The following TENM3 variants were observed in gnomAD, a reference collection of about 807,000 sequenced individuals.
TENM3 encodes the protein teneurin-3.
Under a neutral mutation model 255.1 loss-of-function variants are expected in TENM3, and 63 were observed. The ratio of observed to expected loss-of-function variants is 0.25; its 90% confidence interval spans 0.20 to 0.30. The LOEUF is 0.30. TENM3 is among the 10% of genes least tolerant of loss of function. The pLI is 1.00. For synonymous variants in TENM3, 1,306 were observed against 1,322.3 expected (o/e 0.99, Z 0.27); for missense variants, 2,929 against 3,461.1 (o/e 0.85, Z 3.86).
chr4:182,456,522 T>C (rs1773887326), intron 3 of TENM3, among the ~76,000 whole-genome samples: 2 of 152,212 alleles, frequency 1.3e-5, no homozygotes, highest in Non-Finnish European at 2.9e-5. Context: ...AAGAAGTTCA[T>C]TGAAGCCTAA....
At position 182,518,140 on chromosome 4, in the gene TENM3, T is replaced by C. The variant is rs561576802; in HGVS notation, c.512-82784T>C. On this transcript the variant is annotated intron_variant, in intron 3 of 27. Transcript: ENST00000511685. ...TGTGTTCATGGTGCCTGGGACCTCATAGTAATAAAAGTCTTTGGGAATCTT... is the reference window on the plus strand; with the variant it reads ...TGTGTTCATGGTGCCTGGGACCTCACAGTAATAAAAGTCTTTGGGAATCTT... 1.3e-4 allele frequency among the ~76,000 whole-genome samples: 20 copies of C among 152,234 alleles called. 1 individual carries two copies. The South Asian group carries it at 3.9e-3, about 30-fold the overall frequency.
intron 12 of TENM3, chr4:182,707,821 G>T (rs189560867): frequency 6.4e-4 from 97 of 152,212 alleles, no homozygotes; most frequent in African/African-American, 2.2e-3. Context: ...TTAAGGCCAA[G>T]AATTAGCCTT....
chr4:181,629,794 T>C, the TENM3 span, among the ~76,000 whole-genome samples: 2 of 152,078 alleles, frequency 1.3e-5, no homozygotes, highest in African/African-American at 4.8e-5. Flanking sequence ...GGTCTAAAAT[T>C]CTCTTTTTTT....
chr4:181,679,440 G>A, the TENM3 span, among the ~76,000 whole-genome samples: 117,621 of 151,514 alleles, frequency 0.78, 45,994 homozygotes, highest in Admixed American at 0.87. Context: ...TTAACATATC[G>A]GTTTAAAATA....
chr4:182,560,376 A>C (rs1396102327), intron 3 of TENM3, among the ~76,000 whole-genome samples: 1 of 152,166 alleles, frequency 6.6e-6, no homozygotes, highest in African/African-American at 2.4e-5. Context: ...TCCATTCCCA[A>C]GGTGATTCAG....
At chr4:182,217,767 T>C (rs1755591926) in intron 1 of TENM3, among the ~76,000 whole-genome samples, 1 of 152,212 alleles carries the variant, frequency 6.6e-6, no homozygotes, top group Admixed American at 6.5e-5. Flanking sequence ...ATTGCTATTT[T>C]GTGATATTAT....
At chr4:182,131,822 T>C in the TENM3 span, among the ~76,000 whole-genome samples, 1 of 152,226 alleles carries the variant, frequency 6.6e-6, no homozygotes, top group East Asian at 1.9e-4. Context: ...ATTCACTCCC[T>C]AAGGTGTTCT....
chr4:182,233,119 C>T (rs1370737434), intron 1 of TENM3, among the ~76,000 whole-genome samples: 2 of 152,098 alleles, frequency 1.3e-5, no homozygotes, highest in East Asian at 1.9e-4. Flanking sequence ...ACCCAGAAGC[C>T]GCTCCAGGGA....
At chr4:182,642,166 G>A (rs543699015) in intron 5 of TENM3, among the ~76,000 whole-genome samples, 4 of 152,206 alleles carry the variant, frequency 2.6e-5, no homozygotes, top group African/African-American at 7.2e-5. Flanking sequence ...GCAGCTGATC[G>A]TGACGGTTAA....
chr4:182,725,636 C>CTTTTTTT (rs5864795), intron 13 of TENM3, among the ~76,000 whole-genome samples: 73 of 133,642 alleles, frequency 5.5e-4, no homozygotes, highest in Non-Finnish European at 7.3e-4. Flanking sequence ...TCTTTTTTTT[C>CTTTTTTT]TTTTTTTTTT....
intron 24 of TENM3, among the ~76,000 whole-genome samples, chr4:182,784,551 G>T (rs1158162499): frequency 6.6e-6 from 1 of 151,932 alleles, no homozygotes; most frequent in African/African-American, 2.4e-5. Context: ...ACAGAGGCAG[G>T]CAGGCCTCCT....
chr4:182,194,794 T>G (rs1029613661), intron 1 of TENM3, among the ~76,000 whole-genome samples: 9 of 152,232 alleles, frequency 5.9e-5, no homozygotes, highest in African/African-American at 1.9e-4. Flanking sequence ...TATTTATAAT[T>G]ACATGAATCT....
At chr4:182,436,230 A>G (rs191577845) in intron 3 of TENM3, among the ~76,000 whole-genome samples, 1 of 152,254 alleles carries the variant, frequency 6.6e-6, no homozygotes, top group Non-Finnish European at 1.5e-5. Flanking sequence ...GATCACTAAT[A>G]AGTAAGGGAG....
the TENM3 span, among the ~76,000 whole-genome samples, chr4:181,734,871 T>C: frequency 2.0e-5 from 3 of 152,148 alleles, no homozygotes; most frequent in African/African-American, 4.8e-5. Context: ...AATGGCTTGA[T>C]AGAAGCAAAG....
At chr4:181,884,443 T>C in the TENM3 span, among the ~76,000 whole-genome samples, 1 of 152,162 alleles carries the variant, frequency 6.6e-6, no homozygotes, top group Non-Finnish European at 1.5e-5. Context: ...ACTGTACCCA[T>C]TAAACACTAA....
chr4:181,770,888 C>T, the TENM3 span, among the ~76,000 whole-genome samples: 3 of 152,100 alleles, frequency 2.0e-5, no homozygotes, highest in Admixed American at 1.3e-4. Context: ...CCCCACACTC[C>T]GTTAACTCTT....
rs377553990 is a variant in TENM3 at position 182,274,797 on chromosome 4, C to A, written c.-76+31321C>A. Among the ~76,000 whole-genome samples the A allele has an allele frequency of 4.5e-4, 68 of 152,176 alleles. 1 individual carries two copies. Among genetic ancestry groups the A allele is most frequent in the African/African-American group, 1.6e-3 (66 of 41,524 alleles). On this transcript the variant is annotated intron_variant, in intron 1 of 27. Coordinates refer to ENST00000511685, the MANE Select transcript of TENM3 (RefSeq NM_001080477.4). Reference sequence around the variant, plus strand: ...TATTTCTGAGTTTAAGTCCAGTGGTCTCTAATTTATTTGTTGGTTTAGTAT... The same window carrying A: ...TATTTCTGAGTTTAAGTCCAGTGGTATCTAATTTATTTGTTGGTTTAGTAT...
At chr4:182,401,681 G>A (rs981284463) in intron 3 of TENM3, among the ~76,000 whole-genome samples, 2 of 152,026 alleles carry the variant, frequency 1.3e-5, no homozygotes, top group African/African-American at 4.8e-5. Flanking sequence ...ATTTCATAGT[G>A]TGAATTTCTC....
the TENM3 span, among the ~76,000 whole-genome samples, chr4:181,794,173 T>C: frequency 6.8e-6 from 1 of 147,042 alleles, no homozygotes; most frequent in Non-Finnish European, 1.5e-5. Flanking sequence ...AAATTACATA[T>C]TTTTATGGTG....
Sources: allele counts gnomAD v4.1 joint callset (sites outside exome capture counted in the v4.1 genomes callset), GRCh38; gene constraint gnomAD v4.1.1; transcripts MANE v1.5; gene names NCBI Gene and HGNC (gene_info 2026-07-23, HGNC 2026-07-21).